DPT: variants seen among roughly 807,000 people sequenced by gnomAD.
DPT encodes tyrosine-rich acidic matrix protein.
A neutral mutation model predicts 31.2 loss-of-function variants in DPT; 21 were observed. The ratio of observed to expected loss-of-function variants is 0.67; its 90% CI spans 0.48 to 0.97. DPT has a LOEUF of 0.97. Among genes scored for constraint, DPT ranks in the 50% least tolerant of loss-of-function variants. The probability of loss-of-function intolerance (pLI) is 0.00; values close to 1 mark genes in which losing one functional copy is unlikely to be tolerated. For missense variants in DPT, 262 were observed against 258.8 expected (o/e 1.01, Z -0.08); for synonymous variants, 91 against 86.9 (o/e 1.05, Z -0.26).
At chr1:168,713,728 T>A (rs141164278) in intron 2 of DPT, among the ~76,000 whole-genome samples, 159 of 152,280 alleles carry the variant, frequency 1.0e-3, no homozygotes, top group African/African-American at 2.7e-3. Flanking sequence ...TCTTTTTTTT[T>A]AATTTTTTAA....
At chr1:168,713,476 T>G (rs1649910297) in intron 2 of DPT, among the ~76,000 whole-genome samples, 1 of 152,172 alleles carries the variant, frequency 6.6e-6, no homozygotes, top group African/African-American at 2.4e-5. Context: ...AACCTTCACA[T>G]GTTGACACTT....
intron 2 of DPT, among the ~76,000 whole-genome samples, chr1:168,705,494 C>T (rs1426009490): frequency 6.6e-6 from 1 of 152,158 alleles, no homozygotes; most frequent in East Asian, 1.9e-4. Context: ...AAAACCCCAG[C>T]ATTTACATAT....
At position 168,701,090 on chromosome 1, in the gene DPT, C is replaced by G. The variant is rs566461201; in HGVS notation, c.466G>C (p.Glu156Gln). 63 of 1,613,818 alleles carry G rather than the reference C, an allele frequency of 3.9e-5. No homozygotes were observed. The highest frequency in any genetic ancestry group is 5.1e-5 in the Non-Finnish European group (60 of 1,179,946). ...TTEYPGHYGE[E>Q]MDMISYNYDY... ...TAATTGTAGGAAATCATGTCCATTT[C>G]CTCACCATAGTGACCTGGATATTCT... The change falls in exon 3 of 4, where the codon GAA (glutamate) becomes CAA (glutamine). Residue 156 changes from glutamate to glutamine, a missense_variant. Coordinates refer to ENST00000367817, the MANE Select transcript of DPT (RefSeq NM_001937.5).
intron 2 of DPT, among the ~76,000 whole-genome samples, chr1:168,705,198 C>G (rs1158529979): frequency 2.6e-5 from 4 of 152,218 alleles, no homozygotes; most frequent in African/African-American, 9.6e-5. Context: ...AAACCCACCT[C>G]TACGAGACCT....
At chr1:168,723,081 T>C (rs759688564) in intron 1 of DPT, among the ~76,000 whole-genome samples, 5 of 152,236 alleles carry the variant, frequency 3.3e-5, no homozygotes, top group Non-Finnish European at 7.3e-5. Flanking sequence ...AGATGGAAAG[T>C]TGGCAAGAAT....
At chr1:168,699,697 A>G (rs914326193) in intron 3 of DPT, among the ~76,000 whole-genome samples, 1 of 152,058 alleles carries the variant, frequency 6.6e-6, no homozygotes, top group Admixed American at 6.6e-5. Flanking sequence ...GATGTGTCAC[A>G]CTCAAATTCA....
chr1:168,719,424 C>A (rs1650050593), intron 1 of DPT, among the ~76,000 whole-genome samples: 1 of 152,298 alleles, frequency 6.6e-6, no homozygotes, highest in South Asian at 2.1e-4. Flanking sequence ...CTAAATGGAA[C>A]AGGACTGGGG....
chr1:168,716,895 T>C (rs1251493783), intron 1 of DPT, among the ~76,000 whole-genome samples: 1 of 152,238 alleles, frequency 6.6e-6, no homozygotes, highest in African/African-American at 2.4e-5. Flanking sequence ...CATTCATTTT[T>C]ATGGCTACAT....
At chr1:168,724,706 A>T (rs907284578) in intron 1 of DPT, among the ~76,000 whole-genome samples, 1 of 151,880 alleles carries the variant, frequency 6.6e-6, no homozygotes, top group Non-Finnish European at 1.5e-5. Flanking sequence ...ATGACTCAGG[A>T]CGACTGCCCT....
chr1:168,713,141 C>T (rs758159052), intron 2 of DPT, among the ~76,000 whole-genome samples: 2 of 152,152 alleles, frequency 1.3e-5, no homozygotes, highest in Non-Finnish European at 2.9e-5. Context: ...TGGTTCAGGA[C>T]CTATCCCAGT....
chr1:168,725,215 A>ATTCCTTTCCTTTCGTTTCCT (rs1650211592), intron 1 of DPT, among the ~76,000 whole-genome samples: 1 of 110,716 alleles, frequency 9.0e-6, no homozygotes, highest in African/African-American at 3.6e-5. Context: ...TTTCCTTTCC[A>ATTCCTTTCCTTTCGTTTCCT]TTCCTTTCCT....
In DPT at chr1:168,711,732, T is replaced by A. The variant is rs192252376; in HGVS notation, c.431+2489A>T. 4.6e-5 allele frequency among the ~76,000 whole-genome samples: 7 copies of A among 152,314 alleles called. No homozygotes were observed. In the South Asian group the frequency reaches 8.3e-4, roughly 18 times the overall value. ...GTGAGGAGGCTGGGTCTCTCCTGCATCTGGGAGGGTGAAGGGGACTCTGTT... is the reference window on the plus strand; with the variant it reads ...GTGAGGAGGCTGGGTCTCTCCTGCAACTGGGAGGGTGAAGGGGACTCTGTT... On this transcript the variant is annotated intron_variant, in intron 2 of 3. Coordinates refer to ENST00000367817, the MANE Select transcript of DPT (RefSeq NM_001937.5).
In DPT at chr1:168,701,041, G is replaced by T; in HGVS notation, c.515C>A (p.Thr172Lys). 1 of 1,613,754 alleles carries T rather than the reference G, an allele frequency of 6.2e-7. No individual in the cohort carries two copies. The highest frequency in any genetic ancestry group is 8.5e-7 in the Non-Finnish European group (1 of 1,179,798). The part of the protein sequence containing the change: ...YNYDYYIRGA[T>K]TTFSAVERDR... ...CCTTTCCACTGCAGAGAAAGTGGTTGTTGCTCCTCGGATATAGTAATCATA... is the reference window on the plus strand; with the variant it reads ...CCTTTCCACTGCAGAGAAAGTGGTTTTTGCTCCTCGGATATAGTAATCATA... Residue 172 changes from threonine to lysine, a missense_variant, in exon 3 of 4, where the codon ACA (threonine) becomes AAA (lysine). Physicochemically the swap from Thr to Lys is moderately conservative, Grantham distance 78. Coordinates refer to ENST00000367817, the MANE Select transcript of DPT (RefSeq NM_001937.5).
rs748718975 is a variant in DPT, at chr1:168,696,611, G to A, written c.544C>T (p.Arg182Cys). The change falls in exon 4 of 4, where the codon CGC becomes TGC. Residue 182 changes from arginine (R) to cysteine (C), a missense_variant. Transcript: ENST00000367817. Reference sequence around the variant, plus strand: ...CGGCACATTATGAACTTCCACTGGCGATCCCTGTGGGAGGGAGAGTCAGAA... The same window carrying A: ...CGGCACATTATGAACTTCCACTGGCAATCCCTGTGGGAGGGAGAGTCAGAA... Reference protein sequence around the residue: ...TTTFSAVERDRQWKFIMCRMT... With the variant: ...TTTFSAVERDCQWKFIMCRMT... 44 of 1,613,404 alleles carry A rather than the reference G, an allele frequency of 2.7e-5. No individual in the cohort carries two copies. The highest frequency in any genetic ancestry group is 6.7e-5 in the Admixed American group (4 of 59,962).
chr1:168,710,450 G>A (rs1015238450), intron 2 of DPT, among the ~76,000 whole-genome samples: 9 of 152,164 alleles, frequency 5.9e-5, no homozygotes, highest in African/African-American at 2.2e-4. Flanking sequence ...GGGTAAGGAA[G>A]GGTAAAGGGT....
Position 168,729,010 on chromosome 1 carries a change from C to A in DPT, c.165G>T (p.Val55=), listed in dbSNP as rs1328806539. ...TGAAGATGCTCCTCACGGCCACTAT[C>A]ACCTGCCCCTGGGGACACTGGTAGC... ...GFSYQCPQGQ[V]IVAVRSIFSK... is the part of the protein sequence containing the mutation. Residue 55 remains valine, a synonymous_variant, in exon 1 of 4, where the codon GTG becomes GTT. Coordinates refer to ENST00000367817, the MANE Select transcript of DPT (RefSeq NM_001937.5). The A allele has an allele frequency of 1.9e-6, 3 of 1,614,134 alleles. No individual in the cohort carries two copies. The highest frequency in any genetic ancestry group is 1.3e-5 in the African/African-American group (1 of 74,946).
Position 168,696,473 on chromosome 1 carries a change from A to G in DPT, c.*76T>C. On this transcript the variant is annotated 3_prime_UTR_variant, in exon 4 of 4. Coordinates refer to ENST00000367817, the MANE Select transcript of DPT (RefSeq NM_001937.5). Reference sequence around the variant, plus strand: ...CAGCAGAAACTTCTATAGGAGATCCAACTGATGTTAACATATGTGGACACC... The same window carrying G: ...CAGCAGAAACTTCTATAGGAGATCCGACTGATGTTAACATATGTGGACACC... 1 of 1,294,814 alleles carries G rather than the reference A, an allele frequency of 7.7e-7. No homozygotes were observed. The highest frequency in any genetic ancestry group is 2.4e-5 in the East Asian group (1 of 42,298). The allele number at this position is 1,294,814 out of a possible 1,614,324, so 80.2% of individuals were successfully genotyped here. A position where few individuals can be genotyped will look rare whatever the true frequency, so the allele number is the denominator to read the frequency against.
intron 3 of DPT, among the ~76,000 whole-genome samples, chr1:168,700,307 C>T (rs1245954496): frequency 6.6e-6 from 1 of 152,056 alleles, no homozygotes; most frequent in African/African-American, 2.4e-5. Flanking sequence ...AGCGAGCAAC[C>T]CCTCACCAGA....
chr1:168,723,472 T>C (rs1179758299), intron 1 of DPT, among the ~76,000 whole-genome samples: 1 of 152,176 alleles, frequency 6.6e-6, no homozygotes, highest in Non-Finnish European at 1.5e-5. Context: ...AATAAACAAA[T>C]GAACATATAA....
Sources: allele counts gnomAD v4.1 joint callset (sites outside exome capture counted in the v4.1 genomes callset), GRCh38; gene constraint gnomAD v4.1.1; transcripts MANE v1.5; gene names NCBI Gene and HGNC (gene_info 2026-07-23, HGNC 2026-07-21).